LRRC75A: variants seen among roughly 807,000 people sequenced by gnomAD.
LRRC75A encodes leucine-rich repeat-containing protein 75A.
Under a neutral mutation model 26.0 loss-of-function variants are expected in LRRC75A, and 12 were observed. That is an observed-to-expected ratio of 0.46 (90% confidence interval 0.30 to 0.75). The LOEUF (loss-of-function observed/expected upper bound fraction) is 0.75. Among genes scored for constraint, LRRC75A ranks in the 30% least tolerant of loss-of-function variants. The probability of loss-of-function intolerance (pLI) is 0.08; values close to 1 mark genes in which losing one functional copy is unlikely to be tolerated. For missense variants in LRRC75A, 410 were observed against 486.6 expected (o/e 0.84, Z 1.48); for synonymous variants, 223 against 219.3 (o/e 1.02, Z -0.15).
chr17:16,451,553 C>T (rs546521464), intron 2 of LRRC75A, among the ~76,000 whole-genome samples: 17 of 149,666 alleles, frequency 1.1e-4, no homozygotes, highest in African/African-American at 3.2e-4. Flanking sequence ...ACCCAGGAGG[C>T]GGAGGTTACA....
intron 1 of LRRC75A, among the ~76,000 whole-genome samples, chr17:16,466,195 C>T (rs2093767483): frequency 6.6e-6 from 1 of 152,224 alleles, no homozygotes; most frequent in Non-Finnish European, 1.5e-5. Flanking sequence ...GATGGTGTCA[C>T]CAGCTGCTGG....
chr17:16,475,997 C>T (rs1159578317), intron 1 of LRRC75A, among the ~76,000 whole-genome samples: 1 of 152,034 alleles, frequency 6.6e-6, no homozygotes, highest in Non-Finnish European at 1.5e-5. Context: ...TCTAGACCAT[C>T]CTGGCTAACA....
chr17:16,482,073 T>C (rs2093835427), intron 1 of LRRC75A, among the ~76,000 whole-genome samples: 1 of 152,140 alleles, frequency 6.6e-6, no homozygotes. Flanking sequence ...TCCTGGGCCC[T>C]TACCTGCCCC....
At chr17:16,450,564 TG>T (rs1451001397) in intron 2 of LRRC75A, among the ~76,000 whole-genome samples, 1 of 152,220 alleles carries the variant, frequency 6.6e-6, no homozygotes, top group Non-Finnish European at 1.5e-5. Flanking sequence ...GTTGCAGATG[TG>T]GGGGCAGGTG....
intron 1 of LRRC75A, chr17:16,463,873 T>C (rs1426874873): frequency 6.6e-6 from 1 of 152,372 alleles, no homozygotes; most frequent in African/African-American, 2.4e-5. Flanking sequence ...GCACTGCTCT[T>C]ATCTGCCAGG....
chr17:16,482,364 G>C (rs1408309666), intron 1 of LRRC75A, among the ~76,000 whole-genome samples: 2 of 152,168 alleles, frequency 1.3e-5, no homozygotes, highest in Non-Finnish European at 2.9e-5. Context: ...GAATGTGCCT[G>C]GAGGGGGCAC....
chr17:16,477,219 A>G (rs2093823256), intron 1 of LRRC75A, among the ~76,000 whole-genome samples: 1 of 152,222 alleles, frequency 6.6e-6, no homozygotes, highest in Non-Finnish European at 1.5e-5. Flanking sequence ...ATACCTTCAC[A>G]GCAGCATCTA....
chr17:16,461,239 G>A (rs1242207333), intron 2 of LRRC75A: 1 of 152,308 alleles, frequency 6.6e-6, no homozygotes, highest in African/African-American at 2.4e-5. Context: ...TCCAGGCCGA[G>A]CGACAGGTGG....
intron 2 of LRRC75A, among the ~76,000 whole-genome samples, chr17:16,448,861 C>T (rs929489273): frequency 7.9e-5 from 12 of 152,284 alleles, no homozygotes; most frequent in Non-Finnish European, 1.3e-4. Context: ...CAGAGCTGTG[C>T]GAAACGAACT....
intron 1 of LRRC75A, among the ~76,000 whole-genome samples, chr17:16,486,179 G>T (rs995563369): frequency 1.3e-5 from 2 of 152,140 alleles, no homozygotes; most frequent in African/African-American, 4.8e-5. Context: ...AAATGACACT[G>T]GGGGGAGGGG....
At chr17:16,484,927 T>C (rs956516136) in intron 1 of LRRC75A, among the ~76,000 whole-genome samples, 2 of 149,504 alleles carry the variant, frequency 1.3e-5, no homozygotes, top group African/African-American at 5.0e-5. Context: ...GAGCTCCATA[T>C]GGCTGCAGCA....
chr17:16,449,459 T>G (rs983690939), intron 2 of LRRC75A, among the ~76,000 whole-genome samples: 2 of 152,156 alleles, frequency 1.3e-5, no homozygotes, highest in African/African-American at 4.8e-5. Flanking sequence ...GAGTCACTAC[T>G]AGCGCAGTGC....
At chr17:16,451,294 G>C (rs546484599) in intron 2 of LRRC75A, among the ~76,000 whole-genome samples, 1 of 152,212 alleles carries the variant, frequency 6.6e-6, no homozygotes, top group East Asian at 1.9e-4. Flanking sequence ...TCAGGGAGTG[G>C]GGCCATGGTG....
Position 16,442,828 on chromosome 17 carries a change from G to T in LRRC75A, c.*760C>A, listed in dbSNP as rs186826019. 6.6e-6 allele frequency: 1 copy of T among 152,374 alleles called. No individual in the cohort carries two copies. Among genetic ancestry groups the T allele is most frequent in the East Asian group, 1.9e-4 (1 of 5,188 alleles). The allele number at this position is 152,374 out of a possible 1,614,324, so 9.4% of individuals were successfully genotyped here. A position where few individuals can be genotyped will look rare whatever the true frequency, so the allele number is the denominator to read the frequency against. ...TAAGGACATCAGAGCCCACATAGAA[G>T]TCTGGTAGTTTTTCAGCCAGCAGTG... On this transcript the variant is annotated 3_prime_UTR_variant, in exon 4 of 4. Transcript: ENST00000470794.
chr17:16,465,231 G>T (rs529263592), intron 1 of LRRC75A, among the ~76,000 whole-genome samples: 1 of 152,174 alleles, frequency 6.6e-6, no homozygotes, highest in South Asian at 2.1e-4. Flanking sequence ...GCACCTAGTG[G>T]TCTCCCCCTT....
intron 1 of LRRC75A, among the ~76,000 whole-genome samples, chr17:16,476,509 GCTTT>G (rs988735762): frequency 1.3e-5 from 2 of 151,904 alleles, no homozygotes; most frequent in Non-Finnish European, 2.9e-5. Context: ...ACTGCACCTG[GCTTT>G]ATTTGGCTTT....
intron 2 of LRRC75A, among the ~76,000 whole-genome samples, chr17:16,461,731 A>C (rs908042274): frequency 7.2e-5 from 11 of 152,208 alleles, no homozygotes; most frequent in African/African-American, 1.9e-4. Context: ...ACGGCCTTCT[A>C]TGACACCTTT....
At chr17:16,455,556 T>G (rs2093670807) in intron 2 of LRRC75A, among the ~76,000 whole-genome samples, 1 of 152,132 alleles carries the variant, frequency 6.6e-6, no homozygotes, top group African/African-American at 2.4e-5. Flanking sequence ...ATTTTTTTTG[T>G]ATTTCTATTA....
intron 2 of LRRC75A, among the ~76,000 whole-genome samples, chr17:16,461,859 C>A (rs2093730236): frequency 6.6e-6 from 1 of 151,352 alleles, no homozygotes; most frequent in African/African-American, 2.4e-5. Flanking sequence ...TACCCCACTA[C>A]CCCTCTGTAC....
Sources: allele counts gnomAD v4.1 joint callset (sites outside exome capture counted in the v4.1 genomes callset), GRCh38; gene constraint gnomAD v4.1.1; transcripts MANE v1.5; gene names NCBI Gene and HGNC (gene_info 2026-07-23, HGNC 2026-07-21).